The following SGTB variants were observed in gnomAD, a reference collection of about 807,000 sequenced individuals.
SGTB encodes the protein small glutamine-rich tetratricopeptide repeat-containing protein beta.
Under a neutral mutation model 43.9 loss-of-function variants are expected in SGTB, and 19 were observed. The ratio of observed to expected loss-of-function variants is 0.43; its 90% CI spans 0.30 to 0.63. SGTB has a LOEUF of 0.63. Among genes scored for constraint, SGTB ranks in the 30% least tolerant of loss-of-function variants. The pLI is 0.12. For missense variants in SGTB, 304 were observed against 358.9 expected (o/e 0.85, Z 1.24); for synonymous variants, 116 against 117.3 (o/e 0.99, Z 0.07).
At chr5:65,673,173 T>G (rs1208728270) in intron 8 of SGTB, among the ~76,000 whole-genome samples, 1 of 152,208 alleles carries the variant, frequency 6.6e-6, no homozygotes, top group Non-Finnish European at 1.5e-5. Flanking sequence ...TCCTGTCACT[T>G]TAAGTTCTAT....
chr5:65,722,460 T>C, upstream of SGTB: 1 of 1,531,012 alleles, frequency 6.5e-7, no homozygotes, highest in Non-Finnish European at 8.8e-7. Context: ...CAGGGCGGGG[T>C]CTTTCGCCGT....
chr5:65,701,288 T>A (rs1561161927), intron 5 of SGTB, among the ~76,000 whole-genome samples: 2 of 152,004 alleles, frequency 1.3e-5, no homozygotes, highest in African/African-American at 4.8e-5. Flanking sequence ...GAACCTACTA[T>A]AAAATAAAAG....
intron 3 of SGTB, among the ~76,000 whole-genome samples, chr5:65,711,104 A>G (rs6864767): frequency 0.054 from 8,143 of 152,036 alleles, 724 homozygotes; most frequent in African/African-American, 0.19. Flanking sequence ...GGCAGAGGCT[A>G]CAGTGAGCTG....
At chr5:65,687,552 T>C (rs1408669790) in intron 5 of SGTB, among the ~76,000 whole-genome samples, 1 of 152,216 alleles carries the variant, frequency 6.6e-6, no homozygotes, top group Non-Finnish European at 1.5e-5. Flanking sequence ...GAATGAGACA[T>C]TGTCTCAGAG....
rs79470206 is a variant in SGTB at position 65,721,056 on chromosome 5, T to C, written c.-22-227A>G. ...ATTAATACCCAGTGGTATACGAGTA[T>C]GTTAAATCTTGGAATAAGTAAAAAT... On this transcript the variant is annotated intron_variant, in intron 1 of 10. Coordinates refer to ENST00000381007, the MANE Select transcript of SGTB (RefSeq NM_019072.3). Among the ~76,000 whole-genome samples, 3 of 152,328 alleles carry C rather than the reference T, an allele frequency of 2.0e-5. No homozygotes were observed. In the East Asian group the frequency reaches 5.8e-4, roughly 29 times the overall value.
intron 5 of SGTB, among the ~76,000 whole-genome samples, chr5:65,689,169 T>A (rs1306905436): frequency 6.6e-6 from 1 of 152,238 alleles, no homozygotes; most frequent in African/African-American, 2.4e-5. Context: ...TATTCATGCC[T>A]TCCCAAAACA....
intron 5 of SGTB, among the ~76,000 whole-genome samples, chr5:65,700,217 TC>T (rs1416893231): frequency 6.6e-6 from 1 of 152,186 alleles, no homozygotes; most frequent in Non-Finnish European, 1.5e-5. Context: ...GGGAACTATA[TC>T]TAACAGACAG....
At chr5:65,670,524 T>G (rs1254176885) in intron 10 of SGTB, among the ~76,000 whole-genome samples, 167 bp from the exon 11 acceptor site, 1 of 152,174 alleles carries the variant, frequency 6.6e-6, no homozygotes, top group Non-Finnish European at 1.5e-5. Flanking sequence ...TGCCTCCATA[T>G]AGCATTATTA....
intron 5 of SGTB, among the ~76,000 whole-genome samples, chr5:65,686,765 C>G (rs574514673): frequency 8.5e-5 from 13 of 152,278 alleles, no homozygotes; most frequent in Admixed American, 2.0e-4. Context: ...TTTCAAGGAC[C>G]TAGCTGGAAT....
chr5:65,712,355 C>T (rs574990711), intron 3 of SGTB, among the ~76,000 whole-genome samples: 1 of 152,296 alleles, frequency 6.6e-6, no homozygotes, highest in East Asian at 1.9e-4. Context: ...ATTTTTCAGA[C>T]AGTCTTATGG....
At chr5:65,712,883 G>A in intron 3 of SGTB, 78 bp downstream of exon 3, 2 of 1,051,946 alleles carry the variant, frequency 1.9e-6, no homozygotes, top group Admixed American at 2.0e-5. Flanking sequence ...CATATACCTG[G>A]CCCCTCAGCT....
intron 1 of SGTB, among the ~76,000 whole-genome samples, chr5:65,721,471 G>A (rs144371742): frequency 5.1e-4 from 78 of 152,292 alleles, no homozygotes; most frequent in Non-Finnish European, 8.7e-4. Flanking sequence ...GAAGCTCCCG[G>A]TCATGTTCAT....
In SGTB at chr5:65,693,186, C is replaced by T. The variant is rs769007164; in HGVS notation, c.375-7714G>A. Among the ~76,000 whole-genome samples, 3 of 147,338 alleles carry T rather than the reference C, an allele frequency of 2.0e-5. No individual in the cohort carries two copies. The Admixed American group carries it at 2.1e-4, about 10-fold the overall frequency. On this transcript the variant is annotated intron_variant, in intron 5 of 10. Transcript: ENST00000381007. ...GCTGGGTGACAGAGTGAGAGAAGGACAGGACAGGATGGGACGGGAAGGGAA... is the reference window on the plus strand; with the variant it reads ...GCTGGGTGACAGAGTGAGAGAAGGATAGGACAGGATGGGACGGGAAGGGAA...
chr5:65,704,861 A>G (rs899170593), intron 4 of SGTB, among the ~76,000 whole-genome samples: 12 of 152,116 alleles, frequency 7.9e-5, no homozygotes, highest in Non-Finnish European at 1.6e-4. Flanking sequence ...AGCTGATAAA[A>G]CTAATCATGC....
At chr5:65,721,658 C>T (rs1758283889) in intron 1 of SGTB, among the ~76,000 whole-genome samples, 1 of 152,220 alleles carries the variant, frequency 6.6e-6, no homozygotes, top group Non-Finnish European at 1.5e-5. Flanking sequence ...GCGATGTCAG[C>T]CTCTAGGCCA....
chr5:65,684,817 T>A (rs554221455), intron 6 of SGTB, among the ~76,000 whole-genome samples: 2 of 152,326 alleles, frequency 1.3e-5, no homozygotes, highest in East Asian at 3.9e-4. Flanking sequence ...CCTTCCAAAG[T>A]GCTGGGATTA....
intron 8 of SGTB, among the ~76,000 whole-genome samples, chr5:65,678,953 T>C (rs1284693452): frequency 2.0e-5 from 3 of 152,136 alleles, no homozygotes; most frequent in Non-Finnish European, 4.4e-5. Context: ...ATGATGAAGA[T>C]GCCAAAAGCA....
chr5:65,694,519 A>T (rs1757680853), intron 5 of SGTB, among the ~76,000 whole-genome samples: 2 of 152,098 alleles, frequency 1.3e-5, no homozygotes, highest in Non-Finnish European at 2.9e-5. Flanking sequence ...CTTGTAGCTC[A>T]GGCTGGAGTG....
chr5:65,686,329 G>A (rs1757497926), intron 5 of SGTB, among the ~76,000 whole-genome samples: 1 of 152,076 alleles, frequency 6.6e-6, no homozygotes, highest in Non-Finnish European at 1.5e-5. Context: ...ATTAATAAAG[G>A]TAAAGAAGCA....
Sources: allele counts gnomAD v4.1 joint callset (sites outside exome capture counted in the v4.1 genomes callset), GRCh38; gene constraint gnomAD v4.1.1; transcripts MANE v1.5; gene names NCBI Gene and HGNC (gene_info 2026-07-23, HGNC 2026-07-21).